CSMD1: variants seen among roughly 807,000 people sequenced by gnomAD.
The protein encoded by CSMD1 is CUB and sushi domain-containing protein 1.
CSMD1 carries 213 observed loss-of-function variants against 417.5 expected under a neutral mutation model. The ratio of observed to expected loss-of-function variants is 0.51; its 90% CI spans 0.46 to 0.57. The LOEUF (loss-of-function observed/expected upper bound fraction) is 0.57. CSMD1 is among the 20% of genes least tolerant of loss of function. The probability of loss-of-function intolerance (pLI) is 0.00; values close to 1 mark genes in which losing one functional copy is unlikely to be tolerated. For missense variants in CSMD1, 6,923 were observed against 4,529.7 expected (o/e 1.53, Z -15.17); for synonymous variants, 2,862 against 1,736.8 (o/e 1.65, Z -16.11).
rs141011549 is a variant in CSMD1 at position 4,293,759 on chromosome 8, A to G, written c.415+126194T>C. Reference sequence around the variant, plus strand: ...ATTAAAGCACAGATATTTTTGTCTTATATCAGTTTGGTACAAATAAAACAA... The same window carrying G: ...ATTAAAGCACAGATATTTTTGTCTTGTATCAGTTTGGTACAAATAAAACAA... On this transcript the variant is annotated intron_variant, in intron 3 of 69. Transcript: ENST00000635120. Among the ~76,000 whole-genome samples the G allele has an allele frequency of 7.2e-5, 11 of 152,360 alleles. No homozygotes were observed. The East Asian group carries it at 7.7e-4, about 11-fold the overall frequency.
chr8:4,836,807 C>T (rs1254907525), intron 1 of CSMD1, among the ~76,000 whole-genome samples: 4 of 151,836 alleles, frequency 2.6e-5, no homozygotes, highest in Non-Finnish European at 5.9e-5. Context: ...TAATCGGGCC[C>T]TGTGTTAGTT....
intron 3 of CSMD1, among the ~76,000 whole-genome samples, chr8:4,371,234 G>C (rs766669498): frequency 1.3e-5 from 2 of 152,148 alleles, no homozygotes; most frequent in South Asian, 4.1e-4. Flanking sequence ...CACCGTGGGG[G>C]ATTAGGACCA....
At chr8:4,838,317 G>A (rs1800624045) in intron 1 of CSMD1, among the ~76,000 whole-genome samples, 1 of 152,138 alleles carries the variant, frequency 6.6e-6, no homozygotes, top group Non-Finnish European at 1.5e-5. Context: ...AGCGTTCATG[G>A]AAATAAAATT....
At chr8:4,305,648 A>C (rs77281142) in intron 3 of CSMD1, among the ~76,000 whole-genome samples, 1 of 152,212 alleles carries the variant, frequency 6.6e-6, no homozygotes, top group Non-Finnish European at 1.5e-5. Flanking sequence ...TCAAAAAGGC[A>C]TAACATCCTC....
At chr8:3,170,885 C>T (rs1007526035) in intron 37 of CSMD1, among the ~76,000 whole-genome samples, 4 of 152,256 alleles carry the variant, frequency 2.6e-5, no homozygotes, top group South Asian at 4.1e-4. Flanking sequence ...TGAAAAGAAA[C>T]GAGTCAACAC....
chr8:3,660,357 T>A (rs923287819), intron 7 of CSMD1, among the ~76,000 whole-genome samples: 6 of 152,258 alleles, frequency 3.9e-5, no homozygotes, highest in African/African-American at 1.4e-4. Flanking sequence ...GTATTAGCGA[T>A]CTTCCCAGGG....
intron 5 of CSMD1, among the ~76,000 whole-genome samples, chr8:3,982,672 A>C (rs1471056830): frequency 1.3e-5 from 2 of 152,022 alleles, no homozygotes; most frequent in Non-Finnish European, 2.9e-5. Flanking sequence ...ATCTGAGACC[A>C]GGGTGGCGGA....
At chr8:4,460,387 A>G (rs1055205378) in intron 2 of CSMD1, among the ~76,000 whole-genome samples, 4 of 152,140 alleles carry the variant, frequency 2.6e-5, no homozygotes, top group African/African-American at 9.7e-5. Context: ...AAAAGAAAAA[A>G]TCTTACATAA....
intron 6 of CSMD1, among the ~76,000 whole-genome samples, chr8:3,747,586 T>C (rs959278174): frequency 1.3e-5 from 2 of 152,244 alleles, no homozygotes; most frequent in African/African-American, 2.4e-5. Context: ...GTTTGTTTAT[T>C]ACTTCTATGG....
intron 5 of CSMD1, among the ~76,000 whole-genome samples, chr8:3,960,987 TATTAA>T (rs973787518): frequency 3.2e-3 from 488 of 152,036 alleles, no homozygotes; most frequent in African/African-American, 0.011. Flanking sequence ...TTTAAAAATA[TATTAA>T]ATTATCTGAA....
chr8:3,566,860 G>C (rs1339012426), intron 10 of CSMD1, among the ~76,000 whole-genome samples: 4 of 152,180 alleles, frequency 2.6e-5, no homozygotes, highest in Non-Finnish European at 4.4e-5. Context: ...CTTTGTGGAA[G>C]GCAGCGTGGT....
At chr8:3,856,328 C>G (rs1359026558) in intron 5 of CSMD1, among the ~76,000 whole-genome samples, 3 of 152,138 alleles carry the variant, frequency 2.0e-5, no homozygotes, top group African/African-American at 7.2e-5. Context: ...GAGGCTGCCC[C>G]AGAAGCTGCT....
chr8:4,310,117 T>C (rs140736991), intron 3 of CSMD1, among the ~76,000 whole-genome samples: 296 of 152,288 alleles, frequency 1.9e-3, no homozygotes, highest in African/African-American at 6.7e-3. Flanking sequence ...TTATCTCCCA[T>C]TCATCCCTGC....
At chr8:3,417,935 G>C (rs1813260296) in intron 12 of CSMD1, among the ~76,000 whole-genome samples, 1 of 152,172 alleles carries the variant, frequency 6.6e-6, no homozygotes, top group African/African-American at 2.4e-5. Context: ...CACTTGGACA[G>C]ACATGGAGCC....
At chr8:3,647,744 GAC>G (rs1345563054) in intron 7 of CSMD1, among the ~76,000 whole-genome samples, 1 of 152,206 alleles carries the variant, frequency 6.6e-6, no homozygotes, top group Non-Finnish European at 1.5e-5. Flanking sequence ...ATTGGAGGGA[GAC>G]ACAGAGAGTG....
At position 2,937,448 on chromosome 8, in the gene CSMD1, AAAAAC is replaced by A. The variant is rs1801561009; in HGVS notation, c.*1132_*1136del. The A allele has an allele frequency of 9.1e-6, 1 of 110,032 alleles. No individual in the cohort carries two copies. Among genetic ancestry groups the A allele is most frequent in the African/African-American group, 3.3e-5 (1 of 30,616 alleles). The allele number at this position is 110,032 out of a possible 1,614,324, so 6.8% of individuals were successfully genotyped here. On this transcript the variant is annotated 3_prime_UTR_variant, in exon 70 of 70. Transcript: ENST00000635120. Reference sequence around the variant, plus strand: ...GGCACAGTAAAAGACAAAAAAAAAAAAAAACAAAAAAAAAACACTGCAAAAGGGAA... The same window carrying A: ...GGCACAGTAAAAGACAAAAAAAAAAAAAAAAAAAAACACTGCAAAAGGGAA...
At chr8:3,666,046 A>G (rs1272453213) in intron 7 of CSMD1, among the ~76,000 whole-genome samples, 1 of 152,006 alleles carries the variant, frequency 6.6e-6, no homozygotes, top group African/African-American at 2.4e-5. Context: ...CAGGTGCCCA[A>G]CACCACACCT....
rs147329129 is a variant in CSMD1, at chr8:3,618,008, T to C, written c.1010-1211A>G. Among the ~76,000 whole-genome samples, 549 of 152,198 alleles carry C rather than the reference T, an allele frequency of 3.6e-3. 2 individuals are homozygous for C. The highest frequency in any genetic ancestry group is 7.6e-3 in the Admixed American group (116 of 15,280). ...AGTAATCATATCAAGTTTAGCTTAG[T>C]TTGTTTGTTTTGAGACAGGATCTCA... On this transcript the variant is annotated intron_variant, in intron 7 of 69. Transcript: ENST00000635120.
chr8:3,553,697 A>G (rs1354378645), intron 10 of CSMD1, among the ~76,000 whole-genome samples: 2 of 152,252 alleles, frequency 1.3e-5, no homozygotes, highest in Non-Finnish European at 2.9e-5. Flanking sequence ...TAGTAGGTCC[A>G]TAGTTACAAA....
Sources: gnomAD v4.1 joint callset for allele counts (sites outside exome capture counted in the v4.1 genomes callset) on GRCh38, gnomAD v4.1.1 for gene constraint, MANE v1.5 for transcripts, NCBI Gene and HGNC (gene_info 2026-07-23, HGNC 2026-07-21) for gene names.